IL16: variants seen among roughly 807,000 people sequenced by gnomAD.
IL16 encodes interleukin 16.
A neutral mutation model predicts 110.1 loss-of-function variants in IL16; 67 were observed. That is an observed-to-expected ratio of 0.61 (90% confidence interval 0.50 to 0.75). The LOEUF (loss-of-function observed/expected upper bound fraction) is 0.75, where lower values mean the gene tolerates loss of function less well. Among genes scored for constraint, IL16 ranks in the 30% least tolerant of loss-of-function variants. The pLI is 0.00. For missense variants in IL16, 1,545 were observed against 1,655.0 expected (o/e 0.93, Z 1.15); for synonymous variants, 689 against 662.9 (o/e 1.04, Z -0.61).
intron 1 of IL16, among the ~76,000 whole-genome samples, chr15:81,202,123 C>A (rs1014518419): frequency 6.6e-6 from 1 of 152,224 alleles, no homozygotes; most frequent in African/African-American, 2.4e-5. Context: ...TAAATGCAAT[C>A]ATCCTTAGTC....
intron 2 of IL16, among the ~76,000 whole-genome samples, chr15:81,231,691 A>G (rs1422160525): frequency 2.0e-5 from 3 of 152,186 alleles, no homozygotes; most frequent in African/African-American, 7.2e-5. Context: ...GGTCATAAAG[A>G]TATTTCCTCA....
chr15:81,197,782 G>A (rs1289847764), intron 1 of IL16, among the ~76,000 whole-genome samples: 1 of 152,020 alleles, frequency 6.6e-6, no homozygotes, highest in Admixed American at 6.6e-5. Context: ...GCTGGAGAAT[G>A]AGGTAACAGC....
chr15:81,203,403 A>G (rs1254868158), intron 1 of IL16, among the ~76,000 whole-genome samples: 1 of 151,976 alleles, frequency 6.6e-6, no homozygotes, highest in African/African-American at 2.4e-5. Flanking sequence ...GCCCATGCCT[A>G]TGTCCTGAAT....
In IL16 at chr15:81,214,446, G is replaced by A. The variant is rs199993779; in HGVS notation, c.-101-10853G>A. On this transcript the variant is annotated intron_variant, in intron 1 of 18. Transcript: ENST00000683961. ...TTTGCTTTGAAAATGCTGAAAATAG[G>A]CCCCCAATCTCTTCTGACTTGTAAG... Among the ~76,000 whole-genome samples, 7 of 152,146 alleles carry A rather than the reference G, an allele frequency of 4.6e-5. No homozygotes were observed. In the East Asian group the frequency reaches 1.3e-3, roughly 29 times the overall value.
intron 8 of IL16, among the ~76,000 whole-genome samples, chr15:81,282,422 C>T (rs980511803): frequency 5.9e-5 from 9 of 152,216 alleles, no homozygotes; most frequent in Admixed American, 2.6e-4. Context: ...CTCCCTCCTT[C>T]GCTCCTTCCT....
intron 2 of IL16, among the ~76,000 whole-genome samples, chr15:81,252,621 T>A (rs965223157): frequency 1.3e-5 from 2 of 152,156 alleles, no homozygotes; most frequent in South Asian, 4.1e-4. Flanking sequence ...CTCCTGCCCA[T>A]TAGCTGTTAC....
At chr15:81,282,802 A>G in intron 9 of IL16, 46 bp downstream of exon 9, 1 of 1,301,848 alleles carries the variant, frequency 7.7e-7, no homozygotes, top group South Asian at 1.2e-5. Flanking sequence ...ACTTACAACC[A>G]GGAAAGAAAT....
intron 11 of IL16, 178 bp from the exon 12 acceptor site, chr15:81,292,378 C>G (rs1728989670): frequency 1.1e-6 from 1 of 887,692 alleles, no homozygotes; most frequent in African/African-American, 1.6e-5. Context: ...AACCCAAAGT[C>G]ATACAGCTCG....
At chr15:81,282,859 G>A in intron 9 of IL16, 103 bp downstream of exon 9, 1 of 977,730 alleles carries the variant, frequency 1.0e-6, no homozygotes, top group South Asian at 1.3e-5. Context: ...TATAAAGAAT[G>A]ATCTTGTGGT....
chr15:81,225,932 C>T (rs1211749687), intron 2 of IL16, among the ~76,000 whole-genome samples: 1 of 152,154 alleles, frequency 6.6e-6, no homozygotes, highest in Non-Finnish European at 1.5e-5. Flanking sequence ...TTCAGGGAAG[C>T]ACTATGTCAC....
chr15:81,273,023 A>G (rs1364352749), intron 5 of IL16, 67 bp from the exon 6 acceptor site: 2 of 1,272,512 alleles, frequency 1.6e-6, no homozygotes, highest in African/African-American at 2.9e-5. Flanking sequence ...AGGCCCTCAG[A>G]AGGCATCAGG....
chr15:81,225,413 G>A lies in IL16; in HGVS notation c.14G>A (p.Ser5Asn). 1 of 1,614,002 alleles carries A rather than the reference G, an allele frequency of 6.2e-7. No individual in the cohort carries two copies. Among genetic ancestry groups the A allele is most frequent in the South Asian group, 1.1e-5 (1 of 91,072 alleles). MESH[S>N]RAGKSRKSAK... The stretch of plus-strand genomic sequence containing the variant: ...TCCTCTTTGAGGATGGAGTCGCACA[G>A]CCGCGCTGGAAAGAGCAGAAAATCT... Residue 5 changes from serine to asparagine, a missense_variant, in exon 2 of 19, where the codon AGC becomes AAC. By Grantham distance (46) the Ser-to-Asn change is conservative. Coordinates refer to ENST00000683961, the MANE Select transcript of IL16 (RefSeq NM_172217.5).
chr15:81,299,618 C>T lies in IL16; in HGVS notation c.2292C>T (p.Ala764=). 6.2e-7 allele frequency: 1 copy of T among 1,614,210 alleles called. No individual in the cohort carries two copies. Among genetic ancestry groups the T allele is most frequent in the Non-Finnish European group, 8.5e-7 (1 of 1,180,040 alleles). The change falls in exon 14 of 19, where the codon GCC becomes GCT. Residue 764 remains alanine, a synonymous_variant. Coordinates refer to ENST00000683961, the MANE Select transcript of IL16 (RefSeq NM_172217.5). ...GGACCCCACCAAAGCTGGACACCGC[C>T]AATGGCACTCCCAAAGTTTACAAGT... ...PDGTPPKLDT[A]NGTPKVYKSA...
intron 4 of IL16, among the ~76,000 whole-genome samples, chr15:81,267,084 G>A (rs1299787108): frequency 1.3e-5 from 2 of 152,170 alleles, no homozygotes; most frequent in African/African-American, 4.8e-5. Flanking sequence ...GTACACTGGA[G>A]CCCTCCAATA....
At position 81,232,051 on chromosome 15, in the gene IL16, T is replaced by G. The variant is rs12902608; in HGVS notation, c.312+6340T>G. On this transcript the variant is annotated intron_variant, in intron 2 of 18. Coordinates refer to ENST00000683961, the MANE Select transcript of IL16 (RefSeq NM_172217.5). ...CTCCACATTTGTTCTTGTTTTTTTT[T>G]TTTTTTTTTTTTTTTCTTTTTTTTT... Among the ~76,000 whole-genome samples the G allele has an allele frequency of 3.3e-4, 39 of 119,572 alleles. No individual in the cohort carries two copies. In the South Asian group the frequency reaches 3.7e-3, roughly 11 times the overall value. The allele number at this position is 119,572 out of a possible 152,430, so 78.4% of individuals were successfully genotyped here.
chr15:81,193,493 G>T (rs1475517866), upstream of IL16, among the ~76,000 whole-genome samples: 1 of 152,116 alleles, frequency 6.6e-6, no homozygotes, highest in Non-Finnish European at 1.5e-5. Flanking sequence ...TCAGTTGCTT[G>T]TCGTGATTGT....
chr15:81,290,135 G>T, intron 10 of IL16: 1 of 407,704 alleles, frequency 2.5e-6, no homozygotes, highest in Non-Finnish European at 4.5e-6. Flanking sequence ...GCCAAGAACG[G>T]ACTAGCTCAT....
chr15:81,228,524 A>G (rs1239290881), intron 2 of IL16, among the ~76,000 whole-genome samples: 1 of 152,004 alleles, frequency 6.6e-6, no homozygotes, highest in Non-Finnish European at 1.5e-5. Context: ...GGGATTCACC[A>G]TGTTGGCTGA....
intron 1 of IL16, chr15:81,188,401 C>G (rs186235102): frequency 4.6e-5 from 21 of 456,292 alleles, no homozygotes; most frequent in Middle Eastern, 3.3e-4. Context: ...GAAGGCAGAG[C>G]TGGTACGTGT....
Sources: gnomAD v4.1 joint callset for allele counts (sites outside exome capture counted in the v4.1 genomes callset) on GRCh38, gnomAD v4.1.1 for gene constraint, MANE v1.5 for transcripts, NCBI Gene and HGNC (gene_info 2026-07-23, HGNC 2026-07-21) for gene names.